The following FSTL5 variants were observed in gnomAD, a reference collection of about 807,000 sequenced individuals.
FSTL5 encodes follistatin like 5.
FSTL5 carries 62 observed loss-of-function variants against 89.1 expected under a neutral mutation model. That is an observed-to-expected ratio of 0.70 (90% CI 0.57 to 0.86). The LOEUF (loss-of-function observed/expected upper bound fraction) is 0.86. FSTL5 is among the 40% of genes least tolerant of loss of function. The probability of loss-of-function intolerance (pLI) is 0.00; values close to 1 mark genes in which losing one functional copy is unlikely to be tolerated. For synonymous variants in FSTL5, 383 were observed against 346.2 expected (o/e 1.11, Z -1.18); for missense variants, 1,057 against 1,001.6 (o/e 1.06, Z -0.75).
chr4:161,802,369 G>C (rs746921550), intron 4 of FSTL5, among the ~76,000 whole-genome samples: 7 of 151,576 alleles, frequency 4.6e-5, no homozygotes, highest in Non-Finnish European at 3.0e-5. Flanking sequence ...TGTCTGAATC[G>C]AACACAGTGA....
intron 8 of FSTL5, among the ~76,000 whole-genome samples, chr4:161,549,315 A>G (rs919996646): frequency 1.9e-4 from 29 of 151,940 alleles, no homozygotes; most frequent in African/African-American, 7.0e-4. Context: ...AATTATAAAA[A>G]TAAAGAGTTG....
At chr4:161,938,411 T>C (rs560785174) in intron 3 of FSTL5, among the ~76,000 whole-genome samples, 3 of 152,124 alleles carry the variant, frequency 2.0e-5, no homozygotes, top group African/African-American at 4.8e-5. Context: ...GTTTTATAGA[T>C]GTATGCCATT....
intron 13 of FSTL5, among the ~76,000 whole-genome samples, chr4:161,466,785 C>T (rs1733761742): frequency 6.6e-6 from 1 of 151,976 alleles, no homozygotes; most frequent in Non-Finnish European, 1.5e-5. Flanking sequence ...AAAAATGTGA[C>T]CTTTACTTTT....
At chr4:161,806,883 A>G (rs1729984093) in intron 4 of FSTL5, among the ~76,000 whole-genome samples, 1 of 152,112 alleles carries the variant, frequency 6.6e-6, no homozygotes, top group African/African-American at 2.4e-5. Context: ...ACACATATAG[A>G]TTAGATAAAT....
chr4:161,796,975 C>T (rs1481201998), intron 4 of FSTL5, among the ~76,000 whole-genome samples: 5 of 151,610 alleles, frequency 3.3e-5, no homozygotes, highest in African/African-American at 9.7e-5. Flanking sequence ...TATCTCAGGA[C>T]TCTTTTATAC....
At chr4:162,090,926 G>A (rs1235041493) in intron 2 of FSTL5, among the ~76,000 whole-genome samples, 2 of 151,922 alleles carry the variant, frequency 1.3e-5, no homozygotes, top group South Asian at 2.1e-4. Context: ...CATAGACTAA[G>A]ATCTGAAAGT....
chr4:162,106,788 T>A (rs1215061236), intron 2 of FSTL5, among the ~76,000 whole-genome samples: 1 of 152,164 alleles, frequency 6.6e-6, no homozygotes, highest in Admixed American at 6.5e-5. Flanking sequence ...ATCTCAATGA[T>A]GTACAAAATG....
intron 6 of FSTL5, among the ~76,000 whole-genome samples, chr4:161,730,404 A>T (rs1739566283): frequency 6.6e-6 from 1 of 152,084 alleles, no homozygotes; most frequent in African/African-American, 2.4e-5. Flanking sequence ...AATATGTTAT[A>T]TAAGAAGGCA....
intron 15 of FSTL5, among the ~76,000 whole-genome samples, chr4:161,441,220 A>C (rs1241759195): frequency 6.6e-6 from 1 of 152,110 alleles, no homozygotes; most frequent in Non-Finnish European, 1.5e-5. Flanking sequence ...CTACATTTTG[A>C]ATCTCTTCCA....
At chr4:161,696,247 T>G (rs1320544708) in intron 6 of FSTL5, among the ~76,000 whole-genome samples, 2 of 152,208 alleles carry the variant, frequency 1.3e-5, no homozygotes, top group Non-Finnish European at 2.9e-5. Flanking sequence ...TTTGTTTGCT[T>G]TATTGAAGAT....
At chr4:161,883,935 G>GA (rs1732716769) in intron 4 of FSTL5, among the ~76,000 whole-genome samples, 1 of 152,130 alleles carries the variant, frequency 6.6e-6, no homozygotes, top group Admixed American at 6.5e-5. Context: ...GCTTTTAAAA[G>GA]AAAATTTTAC....
At chr4:161,505,545 G>A (rs570282988) in intron 11 of FSTL5, among the ~76,000 whole-genome samples, 3 of 152,036 alleles carry the variant, frequency 2.0e-5, no homozygotes, top group African/African-American at 7.3e-5. Flanking sequence ...AACTTCCAAA[G>A]GTGTACTGAA....
At chr4:162,025,948 A>C (rs1008015836) in intron 3 of FSTL5, among the ~76,000 whole-genome samples, 40 of 151,950 alleles carry the variant, frequency 2.6e-4, no homozygotes, top group Non-Finnish European at 2.9e-5. Flanking sequence ...ACTTAACTAA[A>C]TGCTAAGTTC....
intron 4 of FSTL5, among the ~76,000 whole-genome samples, chr4:161,916,273 A>T (rs1250003110): frequency 6.6e-6 from 1 of 152,158 alleles, no homozygotes; most frequent in African/African-American, 2.4e-5. Flanking sequence ...TGACTCTCAT[A>T]AAAGGTTTAA....
At chr4:161,600,112 A>G (rs1734172171) in intron 7 of FSTL5, among the ~76,000 whole-genome samples, 1 of 151,570 alleles carries the variant, frequency 6.6e-6, no homozygotes, top group Non-Finnish European at 1.5e-5. Context: ...ATATTTACAT[A>G]GCTACAGACA....
At chr4:161,684,389 A>T (rs985091178) in intron 6 of FSTL5, among the ~76,000 whole-genome samples, 4 of 152,146 alleles carry the variant, frequency 2.6e-5, no homozygotes, top group Non-Finnish European at 4.4e-5. Context: ...TTACATTCCC[A>T]CCGGCAGTTG....
Position 161,792,135 on chromosome 4 carries a change from G to C in FSTL5, c.410-16061C>G, listed in dbSNP as rs1430439873. 1.3e-5 allele frequency among the ~76,000 whole-genome samples: 2 copies of C among 152,276 alleles called. 1 individual carries two copies. The highest frequency in any genetic ancestry group is 4.1e-4 in the South Asian group (2 of 4,826). Reference sequence around the variant, plus strand: ...GCTGCCTGGGCTCTCCCAACTCCTGGTGTCTGCTCTGGTTTTGGAGCAATG... The same window carrying C: ...GCTGCCTGGGCTCTCCCAACTCCTGCTGTCTGCTCTGGTTTTGGAGCAATG... On this transcript the variant is annotated intron_variant, in intron 4 of 15. Transcript: ENST00000306100.
intron 7 of FSTL5, among the ~76,000 whole-genome samples, chr4:161,599,295 C>A (rs928888965): frequency 8.6e-5 from 13 of 152,026 alleles, no homozygotes; most frequent in Non-Finnish European, 1.5e-5. Flanking sequence ...AATGCCTAAT[C>A]CCAAGTGCTG....
chr4:161,720,489 A>T (rs1027702134), intron 6 of FSTL5, among the ~76,000 whole-genome samples: 2 of 152,172 alleles, frequency 1.3e-5, no homozygotes, highest in Non-Finnish European at 2.9e-5. Context: ...CTACTACATG[A>T]TCTAGCAATC....
Sources: allele counts gnomAD v4.1 joint callset (sites outside exome capture counted in the v4.1 genomes callset), GRCh38; gene constraint gnomAD v4.1.1; transcripts MANE v1.5; gene names NCBI Gene and HGNC (gene_info 2026-07-23, HGNC 2026-07-21).